The following ENO4 variants were observed in gnomAD, a reference collection of about 807,000 sequenced individuals.
ENO4 encodes the protein 2-phospho-D-glycerate hydro-lyase.
In ENO4, 53 loss-of-function variants were observed where a neutral mutation model predicts 63.2. The ratio of observed to expected loss-of-function variants is 0.84; its 90% confidence interval spans 0.67 to 1.05. The LOEUF is 1.05. Ranked by LOEUF, ENO4 falls within the 50% of genes least tolerant of loss-of-function variation. The probability of loss-of-function intolerance (pLI) is 0.00; values close to 1 mark genes in which losing one functional copy is unlikely to be tolerated. For missense variants in ENO4, 719 were observed against 772.0 expected (o/e 0.93, Z 0.81); for synonymous variants, 266 against 283.8 (o/e 0.94, Z 0.63).
rs149697370 is a variant in ENO4 at position 116,910,607 on chromosome 10, A to C, written c.1195-892A>C. ...AATTAACCTAATTTTTAAAAAGTCA[A>C]ACTCAGTATAGTCTACTCTTTCACT... On this transcript the variant is annotated intron_variant, in intron 10 of 10. Transcript: ENST00000369207. 9.5e-3 allele frequency among the ~76,000 whole-genome samples: 1,453 copies of C among 152,324 alleles called. 24 individuals are homozygous for C. Among genetic ancestry groups the C allele is most frequent in the African/African-American group, 0.033 (1,392 of 41,574 alleles).
At chr10:116,878,604 A>G (rs1468308232) in intron 11 of ENO4, among the ~76,000 whole-genome samples, 1 of 152,078 alleles carries the variant, frequency 6.6e-6, no homozygotes, top group Non-Finnish European at 1.5e-5. Context: ...TCAAAGATGC[A>G]TTTTTCTACA....
intron 10 of ENO4, among the ~76,000 whole-genome samples, chr10:116,893,576 G>GCGCACACACACACACA (rs1554905664): frequency 1.3e-4 from 16 of 123,594 alleles, no homozygotes; most frequent in East Asian, 4.8e-4. Context: ...GCACTCATGT[G>GCGCACACACACACACA]CACACACACA....
chr10:116,874,383 T>C (rs1387770717), intron 10 of ENO4, among the ~76,000 whole-genome samples, 182 bp downstream of exon 10: 1 of 152,202 alleles, frequency 6.6e-6, no homozygotes, highest in Non-Finnish European at 1.5e-5. Flanking sequence ...TGAGTTGCTT[T>C]ATTTCAGCAT....
chr10:116,854,282 G>A (rs759118319), intron 1 of ENO4, among the ~76,000 whole-genome samples: 29 of 152,094 alleles, frequency 1.9e-4, no homozygotes, highest in African/African-American at 5.6e-4. Flanking sequence ...CCCATGTGCC[G>A]GGCGCGGTGG....
chr10:116,854,298 G>A (rs1846183889), intron 1 of ENO4, among the ~76,000 whole-genome samples: 4 of 152,128 alleles, frequency 2.6e-5, no homozygotes, highest in Admixed American at 2.6e-4. Context: ...GGTGGCTCAC[G>A]GCTGTAATCC....
chr10:116,854,759 A>G (rs1333928212), intron 1 of ENO4, among the ~76,000 whole-genome samples: 2 of 151,314 alleles, frequency 1.3e-5, no homozygotes, highest in Admixed American at 1.3e-4. Flanking sequence ...CCTGAGCAAC[A>G]TAATAAGATC....
At chr10:116,854,036 T>G (rs1460877928) in intron 1 of ENO4, among the ~76,000 whole-genome samples, 2 of 152,214 alleles carry the variant, frequency 1.3e-5, no homozygotes, top group Non-Finnish European at 2.9e-5. Context: ...CTGAGCGTTT[T>G]CTTGCAGGCT....
At position 116,879,881 on chromosome 10, in the gene ENO4, G is replaced by T. The variant is rs774363947; in HGVS notation, c.1618G>T (p.Gly540Cys). Residue 540 changes from glycine to cysteine, a missense_variant, in exon 13 of 14, where the codon GGT (glycine) becomes TGT (cysteine). By Grantham distance (159) the Gly-to-Cys change is radical. Coordinates refer to ENST00000341276, the MANE Select transcript of ENO4 (RefSeq NM_001242699.2). ...TCCCCCCTTTCAGGCTGTTGGGCTTGGTGTCCGGTTCATCAAGTTGGGGGG... is the reference window on the plus strand; with the variant it reads ...TCCCCCCTTTCAGGCTGTTGGGCTTTGTGTCCGGTTCATCAAGTTGGGGGG... ...DSLVDLAVGL[G>C]VRFIKLGGLS... is the part of the protein sequence containing the mutation. 1 of 1,550,092 alleles carries T rather than the reference G, an allele frequency of 6.5e-7. No individual in the cohort carries two copies. The highest frequency in any genetic ancestry group is 8.7e-7 in the Non-Finnish European group (1 of 1,146,834).
At chr10:116,858,939 A>T (rs2133252351) in intron 3 of ENO4, 51 bp from the exon 4 acceptor site, 1 of 1,238,610 alleles carries the variant, frequency 8.1e-7, no homozygotes, top group East Asian at 2.6e-5. Context: ...AAAATCACAG[A>T]GTGATATTCC....
At chr10:116,877,393 A>G (rs1846868286) in intron 11 of ENO4, among the ~76,000 whole-genome samples, 1 of 152,224 alleles carries the variant, frequency 6.6e-6, no homozygotes, top group South Asian at 2.1e-4. Context: ...GACATCAGTC[A>G]GCCATTTTAA....
chr10:116,873,708 A>G (rs1846759073), intron 9 of ENO4: 1 of 171,348 alleles, frequency 5.8e-6, no homozygotes, highest in Non-Finnish European at 1.2e-5. Flanking sequence ...CTAGTGAGTG[A>G]GCAGGTTAGC....
chr10:116,862,474 A>G (rs947303447), intron 6 of ENO4, among the ~76,000 whole-genome samples: 2 of 152,136 alleles, frequency 1.3e-5, no homozygotes, highest in Non-Finnish European at 1.5e-5. Context: ...AAAAAAAATA[A>G]AAAAGAAAAA....
At chr10:116,852,768 T>C (rs185502242) in intron 1 of ENO4, among the ~76,000 whole-genome samples, 4 of 152,226 alleles carry the variant, frequency 2.6e-5, no homozygotes, top group African/African-American at 7.2e-5. Flanking sequence ...GTGAGAAAGA[T>C]AGATGCCCAG....
intron 6 of ENO4, among the ~76,000 whole-genome samples, chr10:116,861,807 T>TGATAGTTTATCTTAGTGGAAA (rs1224205392): frequency 6.6e-6 from 1 of 151,890 alleles, no homozygotes; most frequent in Non-Finnish European, 1.5e-5. Context: ...ATAAGTTGAG[T>TGATAGTTTATCTTAGTGGAAA]GATAGTTTAT....
At chr10:116,857,017 C>G (rs1187171515) in intron 3 of ENO4, among the ~76,000 whole-genome samples, 2 of 150,884 alleles carry the variant, frequency 1.3e-5, no homozygotes, top group Non-Finnish European at 3.0e-5. Flanking sequence ...AAATCAAGTA[C>G]AAATATACGT....
In ENO4 at chr10:116,874,074, A is replaced by G. The variant is rs1407145642; in HGVS notation, c.1216-2A>G. ...TTTTAATATTTTCCTGACACATATC[A>G]GAATAAAGGAAAGTATGAAGTGATC... On this transcript the variant is annotated splice_acceptor_variant, in intron 9 of 13. Transcript: ENST00000341276. LOFTEE classifies it high-confidence loss of function. The G allele has an allele frequency of 6.5e-6, 10 of 1,538,916 alleles. No homozygotes were observed. Among genetic ancestry groups the G allele is most frequent in the Non-Finnish European group, 7.0e-6 (8 of 1,138,056 alleles).
At chr10:116,857,746 C>T (rs1054061802) in intron 3 of ENO4, among the ~76,000 whole-genome samples, 7 of 151,536 alleles carry the variant, frequency 4.6e-5, no homozygotes, top group African/African-American at 1.7e-4. Context: ...TCAAGCGATT[C>T]TCCTGCCTCA....
At chr10:116,868,221 G>A (rs554586423) in intron 7 of ENO4, among the ~76,000 whole-genome samples, 10 of 152,334 alleles carry the variant, frequency 6.6e-5, no homozygotes, top group Admixed American at 3.3e-4. Context: ...AAAACAATAT[G>A]TTGGGCCTGT....
chr10:116,849,979 G>A, intron 1 of ENO4: 1 of 676,402 alleles, frequency 1.5e-6, no homozygotes, highest in Admixed American at 2.1e-5. Context: ...AGGCGTATTT[G>A]ACCTGCAGCG....
Sources: allele counts gnomAD v4.1 joint callset (sites outside exome capture counted in the v4.1 genomes callset), GRCh38; gene constraint gnomAD v4.1.1; transcripts MANE v1.5; gene names NCBI Gene and HGNC (gene_info 2026-07-23, HGNC 2026-07-21).